The following PCDHGA4 variants were observed in gnomAD, a reference collection of about 807,000 sequenced individuals.
The protein encoded by PCDHGA4 is protocadherin gamma subfamily A, 4, also known as protocadherin gamma-A4.
A neutral mutation model predicts 54.6 loss-of-function variants in PCDHGA4; 38 were observed. The observed-to-expected ratio is 0.70, with a 90% confidence interval of 0.54 to 0.91. The LOEUF is 0.91. PCDHGA4 is among the 40% of genes least tolerant of loss of function. The pLI is 0.00. For missense variants in PCDHGA4, 1,298 were observed against 1,220.9 expected, an observed-to-expected ratio of 1.06 and a Z score of -0.94; for synonymous variants, 511 against 512.9, an observed-to-expected ratio of 1.00 and a Z score of 0.05.
intron 1 of PCDHGA4, chr5:141,409,285 T>G (rs773096828): frequency 6.2e-7 from 1 of 1,613,966 alleles, no homozygotes; most frequent in South Asian, 1.1e-5. Context: ...AGAATTCACC[T>G]CCAGGAATGG....
chr5:141,450,280 T>C (rs1374970772), intron 1 of PCDHGA4, among the ~76,000 whole-genome samples: 2 of 152,166 alleles, frequency 1.3e-5, no homozygotes, highest in African/African-American at 4.8e-5. Context: ...AGCTAAGTGC[T>C]GGGATTACAG....
rs967436443 is a variant in PCDHGA4 at position 141,400,001 on chromosome 5, C to G, written c.2514+42380C>G. On this transcript the variant is annotated intron_variant, in intron 1 of 3. Transcript: ENST00000571252. ...CTGCGCACAGGAGAGGTGCGCACAG[C>G]GCGTGCCTTGGGCGACAGGGACGCG... 5.0e-6 allele frequency: 8 copies of G among 1,612,262 alleles called. No individual in the cohort carries two copies. In the Admixed American group the frequency reaches 5.0e-5, roughly 10 times the overall value.
intron 1 of PCDHGA4, chr5:141,370,225 C>G: frequency 1.7e-6 from 1 of 577,904 alleles, no homozygotes; most frequent in Admixed American, 3.6e-5. Context: ...CCGCTGCAGC[C>G]AGCTCGGAAG....
chr5:141,413,665 C>T (rs770111467), intron 1 of PCDHGA4: 1 of 1,613,726 alleles, frequency 6.2e-7, no homozygotes, highest in East Asian at 2.2e-5. Flanking sequence ...AGCTATTGAT[C>T]CGGATGTGGG....
At chr5:141,433,353 G>C (rs2097584366) in intron 1 of PCDHGA4, 4 of 603,272 alleles carry the variant, frequency 6.6e-6, no homozygotes, top group South Asian at 6.2e-5. Context: ...GCCACCTACT[G>C]TCTGCCTATC....
chr5:141,499,275 C>T (rs1259707742), intron 2 of PCDHGA4, among the ~76,000 whole-genome samples: 1 of 152,178 alleles, frequency 6.6e-6, no homozygotes, highest in African/African-American at 2.4e-5. Flanking sequence ...CTAGACTGTT[C>T]TCTGATGGCT....
intron 1 of PCDHGA4, chr5:141,376,323 G>C: frequency 2.5e-6 from 4 of 1,614,162 alleles, no homozygotes; most frequent in Non-Finnish European, 3.4e-6. Flanking sequence ...GAAGGGGTTC[G>C]GGCTTTCCTG....
At chr5:141,360,926 T>G (rs1187113113) in intron 1 of PCDHGA4, 1 of 1,613,986 alleles carries the variant, frequency 6.2e-7, no homozygotes, top group Non-Finnish European at 8.5e-7. Flanking sequence ...GTGCTTCAAG[T>G]GACAGCCACC....
chr5:141,405,265 C>T lies in PCDHGA4; in HGVS notation c.2514+47644C>T, dbSNP rs769240639. The T allele has an allele frequency of 4.3e-6, 7 of 1,614,106 alleles. No homozygotes were observed. In the Admixed American group the frequency reaches 1.2e-4, roughly 27 times the overall value. Reference sequence around the variant, plus strand: ...CAAGGAAGAGTCACCTGATCTTCCCCCAGCCCAACTATGCAGACACACTCA... The same window carrying T: ...CAAGGAAGAGTCACCTGATCTTCCCTCAGCCCAACTATGCAGACACACTCA... On this transcript the variant is annotated intron_variant, in intron 1 of 3. Coordinates refer to ENST00000571252, the MANE Select transcript of PCDHGA4 (RefSeq NM_018917.4).
At chr5:141,364,463 G>T (rs1561530846) in intron 1 of PCDHGA4, 2 of 1,614,000 alleles carry the variant, frequency 1.2e-6, no homozygotes, top group Admixed American at 1.7e-5. Context: ...AGGCTCCTTC[G>T]TCGGCAACAT....
intron 1 of PCDHGA4, chr5:141,385,134 G>T (rs774973571): frequency 6.2e-7 from 1 of 1,614,188 alleles, no homozygotes; most frequent in East Asian, 2.2e-5. Flanking sequence ...GCATGGACGG[G>T]GTGCAGGCTT....
At chr5:141,414,409 A>AG in intron 1 of PCDHGA4, 1 of 1,613,870 alleles carries the variant, frequency 6.2e-7, no homozygotes. Flanking sequence ...GGTGATACAC[A>AG]GAGCCCTTGA....
chr5:141,403,612 GC>G, intron 1 of PCDHGA4: 1 of 1,613,854 alleles, frequency 6.2e-7, no homozygotes, highest in Non-Finnish European at 8.5e-7. Flanking sequence ...GCGGCGAGCC[GC>G]GTCGCTCCAG....
Position 141,398,413 on chromosome 5 carries a change from T to C in PCDHGA4, c.2514+40792T>C, listed in dbSNP as rs774602022. On this transcript the variant is annotated intron_variant, in intron 1 of 3. Transcript: ENST00000571252. ...CAGCAGGCTAGACAGGGAGGAGATA[T>C]GCGGGAAGAAGCCAGCTTGTGCTCT... 7.0e-5 allele frequency: 104 copies of C among 1,490,692 alleles called. 1 individual carries two copies. Among genetic ancestry groups the C allele is most frequent in the Middle Eastern group, 6.1e-4 (3 of 4,950 alleles). The allele number at this position is 1,490,692 out of a possible 1,614,324, so 92.3% of individuals were successfully genotyped here.
chr5:141,361,506 C>A (rs753696787), intron 1 of PCDHGA4: 2 of 1,614,046 alleles, frequency 1.2e-6, no homozygotes, highest in Non-Finnish European at 8.5e-7. Context: ...AGACTTCCTA[C>A]ATGGTTCACG....
chr5:141,364,604 C>T lies in PCDHGA4; in HGVS notation c.2514+6983C>T. On this transcript the variant is annotated intron_variant, in intron 1 of 3. Transcript: ENST00000571252. ...CTTGGTCACCGCGGGCAGGATAGAC[C>T]GGGAGGAGCTCTGCGCTCAGAGCCC... 6.2e-7 allele frequency: 1 copy of T among 1,614,162 alleles called. No homozygotes were observed. Among genetic ancestry groups the T allele is most frequent in the Non-Finnish European group, 8.5e-7 (1 of 1,179,996 alleles).
chr5:141,359,914 T>C, intron 1 of PCDHGA4: 1 of 433,842 alleles, frequency 2.3e-6, no homozygotes. Context: ...TTAGTGCAGT[T>C]TCCTGAGAAA....
In PCDHGA4 at chr5:141,389,482, G is replaced by A. The variant is rs766365115; in HGVS notation, c.2514+31861G>A. ...GCCTTCGAACTCACACTGCAGGCCC[G>A]CGACCAGGGCTCGCCAGCGCTCAGC... is the stretch of plus-strand genomic sequence containing the variant. On this transcript the variant is annotated intron_variant, in intron 1 of 3. Transcript: ENST00000571252. 4 of 1,613,080 alleles carry A rather than the reference G, an allele frequency of 2.5e-6. No homozygotes were observed. The South Asian group carries it at 3.3e-5, about 13-fold the overall frequency.
Position 141,394,457 on chromosome 5 carries a change from G to A in PCDHGA4, c.2514+36836G>A, listed in dbSNP as rs375756271. 4 of 1,614,096 alleles carry A rather than the reference G, an allele frequency of 2.5e-6. No homozygotes were observed. The African/African-American group carries it at 4.0e-5, about 16-fold the overall frequency. On this transcript the variant is annotated intron_variant, in intron 1 of 3. Transcript: ENST00000571252. Reference sequence around the variant, plus strand: ...CGCCCCTCAGCAGCAACATGTCACTGAGCCTGTTCGTGCTGGACCAGAATG... The same window carrying A: ...CGCCCCTCAGCAGCAACATGTCACTAAGCCTGTTCGTGCTGGACCAGAATG...
Sources: allele counts gnomAD v4.1 joint callset (sites outside exome capture counted in the v4.1 genomes callset), GRCh38; gene constraint gnomAD v4.1.1; transcripts MANE v1.5; gene names NCBI Gene and HGNC (gene_info 2026-07-23, HGNC 2026-07-21).